NISCH: variants seen among roughly 807,000 people sequenced by gnomAD.
NISCH encodes the protein nischarin.
A neutral mutation model predicts 138.4 loss-of-function variants in NISCH; 55 were observed. That is an observed-to-expected ratio of 0.40 (90% confidence interval 0.32 to 0.50). The LOEUF is 0.50. Among genes scored for constraint, NISCH ranks in the 20% least tolerant of loss-of-function variants. The probability of loss-of-function intolerance (pLI) is 0.71; values close to 1 mark genes in which losing one functional copy is unlikely to be tolerated. For missense variants in NISCH, 1,643 were observed against 2,005.5 expected (o/e 0.82, Z 3.45); for synonymous variants, 860 against 861.5 (o/e 1.00, Z 0.03).
rs763465212 is a variant in NISCH at position 52,455,731 on chromosome 3, T to C, written c.90T>C (p.Tyr30=). 1.7e-5 allele frequency: 23 copies of C among 1,361,890 alleles called. No homozygotes were observed. The Admixed American group carries it at 3.5e-4, about 21-fold the overall frequency. 84.4% of individuals were successfully genotyped at this position (1,361,890 alleles called of 1,614,324 possible). Residue 30 remains tyrosine, a synonymous_variant, in exon 1 of 21, where the codon TAT becomes TAC. Coordinates refer to ENST00000345716, the MANE Select transcript of NISCH (RefSeq NM_007184.4). The part of the protein sequence containing the change: ...RVVGSELVDT[Y]TVYIIQVTDG... The stretch of plus-strand genomic sequence containing the variant: ...TGGGCTCGGAGCTTGTGGACACTTA[T>C]ACGGTGTGTTGGGGGCGCGGGCACC...
chr3:52,460,095 C>G (rs999752502), intron 3 of NISCH, among the ~76,000 whole-genome samples: 5 of 144,042 alleles, frequency 3.5e-5, no homozygotes, highest in Admixed American at 2.9e-4. Flanking sequence ...GCAGGAGAAT[C>G]GCTTGAACCC....
At position 52,458,349 on chromosome 3, in the gene NISCH, C is replaced by A. The variant is rs533910399; in HGVS notation, c.178-313C>A. Among the ~76,000 whole-genome samples the A allele has an allele frequency of 8.9e-4, 135 of 152,304 alleles. 2 individuals carry two copies. The highest frequency in any genetic ancestry group is 3.0e-3 in the African/African-American group (125 of 41,566). On this transcript the variant is annotated intron_variant, in intron 2 of 20. Transcript: ENST00000345716. ...GCAGCATAACTGTTTTAAAGACACA[C>A]CGCTGCCCTGATTGGTTTTTACTCT... is the stretch of plus-strand genomic sequence containing the variant.
At chr3:52,471,014 C>T in intron 4 of NISCH, 107 bp downstream of exon 4, 4 of 1,111,760 alleles carry the variant, frequency 3.6e-6, no homozygotes, top group Non-Finnish European at 5.5e-6. Flanking sequence ...CACCTACCTC[C>T]CCTGTAGGTG....
At position 52,488,406 on chromosome 3, in the gene NISCH, C is replaced by T. The variant is rs1375885122; in HGVS notation, c.2914C>T (p.Leu972=). 2 of 1,613,840 alleles carry T rather than the reference C, an allele frequency of 1.2e-6. No homozygotes were observed. Among genetic ancestry groups the T allele is most frequent in the South Asian group, 2.2e-5 (2 of 91,088 alleles). Residue 972 remains leucine (L), a synonymous_variant, in exon 16 of 21, where the codon CTA becomes TTA. Coordinates refer to ENST00000345716, the MANE Select transcript of NISCH (RefSeq NM_007184.4). ...PRGAFADGHV[L]ELLVGYRFVT... The stretch of plus-strand genomic sequence containing the variant: ...GGGCGCCTTTGCTGATGGCCACGTG[C>T]TAGAGCTGCTCGTGGGGTACCGCTT...
At chr3:52,461,230 T>G (rs372110949) in intron 3 of NISCH, among the ~76,000 whole-genome samples, 2 of 152,128 alleles carry the variant, frequency 1.3e-5, no homozygotes, top group African/African-American at 4.8e-5. Flanking sequence ...AGAGACTCTG[T>G]CTCAAAGAAA....
rs747109231 is a variant in NISCH, at chr3:52,488,504, G to A, written c.3012G>A (p.Ser1004=). 3.7e-6 allele frequency: 6 copies of A among 1,613,318 alleles called. No homozygotes were observed. Among genetic ancestry groups the A allele is most frequent in the Admixed American group, 3.3e-5 (2 of 60,026 alleles). ...GCGTCTACAACCAGCTGCGGGCCTC[G>A]CTGCAGGACCTGAAGACTGTGGTCA... ...FLRVYNQLRA[S]LQDLKTVVIA... is the part of the protein sequence containing the mutation. The change falls in exon 16 of 21, where the codon TCG becomes TCA. Residue 1004 remains serine (S), a synonymous_variant. Transcript: ENST00000345716.
At chr3:52,467,594 T>TAGA (rs1706824005) in intron 3 of NISCH, among the ~76,000 whole-genome samples, 1 of 152,226 alleles carries the variant, frequency 6.6e-6, no homozygotes, top group Non-Finnish European at 1.5e-5. Context: ...GAAAACCAAG[T>TAGA]AGAAAGTGTT....
chr3:52,476,603 T>C lies in NISCH; in HGVS notation c.918+4T>C. 1 of 1,613,992 alleles carries C rather than the reference T, an allele frequency of 6.2e-7. No homozygotes were observed. Among genetic ancestry groups the C allele is most frequent in the Non-Finnish European group, 8.5e-7 (1 of 1,179,888 alleles). On this transcript the variant is annotated splice_donor_region_variant and intron_variant, in intron 8 of 20. Coordinates refer to ENST00000345716, the MANE Select transcript of NISCH (RefSeq NM_007184.4). Reference sequence around the variant, plus strand: ...CTCCGAGATCGACGAGTCTGTGGTATGCTCTCAGCAGCAGGTGCCAGGGGT... The same window carrying C: ...CTCCGAGATCGACGAGTCTGTGGTACGCTCTCAGCAGCAGGTGCCAGGGGT...
In NISCH at chr3:52,491,333, C is replaced by G. The variant is rs1338238494; in HGVS notation, c.3743-19C>G. ...GGGGAGCGCCGGCCTGTGGCCCTGA[C>G]CAGCCCCTTCTCGTGCAGGTTCCAC... is the stretch of plus-strand genomic sequence containing the variant. On this transcript the variant is annotated intron_variant, in intron 19 of 20. Transcript: ENST00000345716. 1.2e-6 allele frequency: 2 copies of G among 1,604,026 alleles called. No homozygotes were observed. The highest frequency in any genetic ancestry group is 3.4e-5 in the Admixed American group (2 of 59,464).
At chr3:52,484,347 G>A (rs944177837) in intron 13 of NISCH, 166 bp from the exon 14 acceptor site, 8 of 585,358 alleles carry the variant, frequency 1.4e-5, no homozygotes, top group African/African-American at 1.3e-4. Flanking sequence ...GTTATTTTGA[G>A]ATTTCAGTTT....
At position 52,488,495 on chromosome 3, in the gene NISCH, G is replaced by A. The variant is rs778819327; in HGVS notation, c.3003G>A (p.Leu1001=). ...ACTTCCTGCGCGTCTACAACCAGCT[G>A]CGGGCCTCGCTGCAGGACCTGAAGA... ...KFHFLRVYNQ[L]RASLQDLKTV... The change falls in exon 16 of 21, where the codon CTG becomes CTA. Residue 1001 remains leucine, a synonymous_variant. Coordinates refer to ENST00000345716, the MANE Select transcript of NISCH (RefSeq NM_007184.4). The A allele has an allele frequency of 6.2e-7, 1 of 1,613,368 alleles. No homozygotes were observed. The highest frequency in any genetic ancestry group is 8.5e-7 in the Non-Finnish European group (1 of 1,179,994).
rs550544611 is a variant in NISCH, at chr3:52,482,607, T to C, written c.1529-1906T>C. Among the ~76,000 whole-genome samples the C allele has an allele frequency of 3.3e-5, 5 of 152,310 alleles. No individual in the cohort carries two copies. In the East Asian group the frequency reaches 9.6e-4, roughly 29 times the overall value. ...ATTCTAAGAGGCACGCATTTCCACC[T>C]TGTGACTTCTCTGAAACTGAGGTGC... On this transcript the variant is annotated intron_variant, in intron 13 of 20. Transcript: ENST00000345716.
chr3:52,482,836 G>T (rs1457220693), intron 13 of NISCH, among the ~76,000 whole-genome samples: 2 of 152,222 alleles, frequency 1.3e-5, no homozygotes, highest in Non-Finnish European at 2.9e-5. Flanking sequence ...GCTCCACAGA[G>T]GTGGTCGATG....
intron 3 of NISCH, among the ~76,000 whole-genome samples, chr3:52,469,322 T>C (rs932460147): frequency 1.3e-5 from 2 of 152,218 alleles, no homozygotes; most frequent in African/African-American, 2.4e-5. Context: ...CCCACAGTTA[T>C]TACACTGAAC....
At chr3:52,466,311 AT>A (rs1305358163) in intron 3 of NISCH, among the ~76,000 whole-genome samples, 1 of 152,172 alleles carries the variant, frequency 6.6e-6, no homozygotes, top group African/African-American at 2.4e-5. Flanking sequence ...CACGCCTGTA[AT>A]CCCAGCACTT....
intron 15 of NISCH, 123 bp downstream of exon 15, chr3:52,485,950 C>G (rs1707391745): frequency 2.5e-6 from 2 of 810,558 alleles, no homozygotes; most frequent in Non-Finnish European, 4.1e-6. Flanking sequence ...GCCTATAGAA[C>G]TATTTCTTCC....
Position 52,492,245 on chromosome 3 carries a change from C to A in NISCH, c.4278C>A (p.Tyr1426Ter). The change falls in exon 21 of 21, where the codon TAC becomes TAA. Residue 1426 changes from tyrosine to a stop codon, truncating the protein, a stop_gained. Coordinates refer to ENST00000345716, the MANE Select transcript of NISCH (RefSeq NM_007184.4). LOFTEE classifies it high-confidence loss of function. ...GAGTGCTCATGGGCTACCAGACCTA[C>A]CCGCAGGCCCTCACCCTCGTCTTCG... ...LDRVLMGYQTYPQALTLVFDD... is the reference protein window; with the variant it reads ...LDRVLMGYQT 1 of 1,613,206 alleles carries A rather than the reference C, an allele frequency of 6.2e-7. No individual in the cohort carries two copies. The highest frequency in any genetic ancestry group is 8.5e-7 in the Non-Finnish European group (1 of 1,180,022).
chr3:52,455,680 C>T lies in NISCH; in HGVS notation c.39C>T (p.Ala13=), dbSNP rs771851500. Residue 13 remains alanine, a synonymous_variant, in exon 1 of 21, where the codon GCC becomes GCT. Transcript: ENST00000345716. ...GCACCTTCGGGCCCGAGCGGGAAGC[C>T]GAGCCGGCCAAGGAAGCGCGCGTCG... is the stretch of plus-strand genomic sequence containing the variant. ...TARTFGPERE[A]EPAKEARVVG... is the part of the protein sequence containing the mutation. The T allele has an allele frequency of 2.1e-5, 29 of 1,361,054 alleles. No homozygotes were observed. The Middle Eastern group carries it at 7.8e-4, about 37-fold the overall frequency. 84.3% of individuals were successfully genotyped at this position (1,361,054 alleles called of 1,614,324 possible). A position where few individuals can be genotyped will look rare whatever the true frequency, so the allele number is the denominator to read the frequency against.
chr3:52,487,520 GGAAGAGGAGGAT>G lies in NISCH; in HGVS notation c.2036_2047del (p.Glu679_Glu682del), dbSNP rs780870269. 1.1e-5 allele frequency: 17 copies of G among 1,603,530 alleles called. No homozygotes were observed. The East Asian group carries it at 1.6e-4, about 15-fold the overall frequency. ...GAGGCCAGGGGGAGGAAGAGGAGGA[GGAAGAGGAGGAT>G]GAAGAGGCCGAGGAGGAGCGCCTGG... On this transcript the variant is annotated inframe_deletion, in exon 16 of 21. Transcript: ENST00000345716. The surrounding 1 kb of genome is among the most constrained non-coding windows in gnomAD (Gnocchi z 9.1).
Sources: gnomAD v4.1 joint callset for allele counts (sites outside exome capture counted in the v4.1 genomes callset) on GRCh38, gnomAD v4.1.1 for gene constraint, Gnocchi (gnomAD v3.1) non-coding constraint, MANE v1.5 for transcripts, NCBI Gene and HGNC (gene_info 2026-07-23, HGNC 2026-07-21) for gene names.